Variants in DENND4C observed in about 807,000 individuals in gnomAD.
The protein encoded by DENND4C is DENN domain-containing protein 4C.
A neutral mutation model predicts 203.0 loss-of-function variants in DENND4C; 108 were observed. The observed-to-expected ratio is 0.53, with a 90% confidence interval of 0.46 to 0.62. The LOEUF is 0.62. DENND4C is among the 20% of genes least tolerant of loss of function. DENND4C has a pLI of 0.00. For missense variants in DENND4C, 2,481 were observed against 2,301.2 expected (o/e 1.08, Z -1.60); for synonymous variants, 871 against 792.4 (o/e 1.10, Z -1.67).
At position 19,358,264 on chromosome 9, in the gene DENND4C, A is replaced by G. The variant is rs1825800741; in HGVS notation, c.5160+104A>G. The G allele has an allele frequency of 1.1e-5, 10 of 934,804 alleles. No homozygotes were observed. Among genetic ancestry groups the G allele is most frequent in the Non-Finnish European group, 1.5e-5 (10 of 666,870 alleles). 57.9% of individuals were successfully genotyped at this position (934,804 alleles called of 1,614,324 possible). A position where few individuals can be genotyped will look rare whatever the true frequency, so the allele number is the denominator to read the frequency against. On this transcript the variant is annotated intron_variant, in intron 28 of 32. Transcript: ENST00000434457. The surrounding 1 kb of genome is among the most constrained non-coding windows in gnomAD (Gnocchi z 4.8). ...GTGGACTTATTTTAATTACATGAAA[A>G]GTGATAGAGTTTTTCCATAAACAAA...
chr9:19,279,599 C>T (rs34003073), intron 2 of DENND4C, among the ~76,000 whole-genome samples: 4,197 of 152,048 alleles, frequency 0.028, 186 homozygotes, highest in African/African-American at 0.093. Context: ...ATCACTTGAA[C>T]CCAGGAGGTG....
At position 19,235,609 on chromosome 9, in the gene DENND4C, C is replaced by CTTTTTTT. The variant is rs58031665; in HGVS notation, c.-18+4789_-18+4795dup. Among the ~76,000 whole-genome samples, 17 of 118,946 alleles carry CTTTTTTT rather than the reference C, an allele frequency of 1.4e-4. 1 individual carries two copies. Among genetic ancestry groups the CTTTTTTT allele is most frequent in the Non-Finnish European group, 1.5e-4 (9 of 59,154 alleles). The allele number at this position is 118,946 out of a possible 152,430, so 78.0% of individuals were successfully genotyped here. ...ATCTGTTGGTTTACAGAAGAGTCATCTTTTTTTTTTTTTTTTTTTGAGACG... is the reference window on the plus strand; with the variant it reads ...ATCTGTTGGTTTACAGAAGAGTCATCTTTTTTTTTTTTTTTTTTTTTTTTTTGAGACG... On this transcript the variant is annotated intron_variant, in intron 1 of 32. Coordinates refer to ENST00000434457, the MANE Select transcript of DENND4C (RefSeq NM_001330640.2).
chr9:19,333,522 C>T (rs1229958510), intron 17 of DENND4C, among the ~76,000 whole-genome samples: 1 of 152,084 alleles, frequency 6.6e-6, no homozygotes, highest in Non-Finnish European at 1.5e-5. Flanking sequence ...CAAAAATGTT[C>T]CCGGAGAGCG....
intron 12 of DENND4C, among the ~76,000 whole-genome samples, chr9:19,320,115 A>T (rs1369232821): frequency 6.6e-6 from 1 of 152,216 alleles, no homozygotes; most frequent in Non-Finnish European, 1.5e-5. Flanking sequence ...ATAAAAAAGT[A>T]AAAAATAGGG....
chr9:19,262,769 A>G (rs144483848), intron 1 of DENND4C, among the ~76,000 whole-genome samples: 15 of 151,788 alleles, frequency 9.9e-5, no homozygotes, highest in African/African-American at 3.4e-4. Flanking sequence ...GGGTTTCACC[A>G]TGTTGGCCAG....
At chr9:19,319,423 T>C (rs1183589226) in intron 12 of DENND4C, among the ~76,000 whole-genome samples, 4 of 144,962 alleles carry the variant, frequency 2.8e-5, no homozygotes, top group Non-Finnish European at 6.0e-5. Context: ...TATATATACA[T>C]ATATATATAC....
intron 1 of DENND4C, among the ~76,000 whole-genome samples, chr9:19,271,705 A>G (rs1474183173): frequency 6.6e-6 from 1 of 151,990 alleles, no homozygotes; most frequent in African/African-American, 2.4e-5. Context: ...CGTCTCTACT[A>G]AAAATACAAA....
chr9:19,294,588 T>C (rs1837039225), intron 5 of DENND4C, among the ~76,000 whole-genome samples: 3 of 152,194 alleles, frequency 2.0e-5, no homozygotes. Context: ...TGTACGCCAA[T>C]GTTTGTAGCA....
intron 28 of DENND4C, among the ~76,000 whole-genome samples, chr9:19,359,568 CT>C (rs1361493202): frequency 6.6e-6 from 1 of 151,678 alleles, no homozygotes; most frequent in African/African-American, 2.4e-5. Context: ...ATGTTATATA[CT>C]TTCTTACCCA....
intron 10 of DENND4C, among the ~76,000 whole-genome samples, chr9:19,315,908 G>A (rs1841761735): frequency 6.6e-6 from 1 of 152,140 alleles, no homozygotes; most frequent in East Asian, 1.9e-4. Flanking sequence ...GTTTCACCAT[G>A]TTGGCCAGGC....
chr9:19,346,239 C>G lies in DENND4C; in HGVS notation c.3470C>G (p.Pro1157Arg), dbSNP rs763943195. 1 of 1,614,052 alleles carries G rather than the reference C, an allele frequency of 6.2e-7. No individual in the cohort carries two copies. The highest frequency in any genetic ancestry group is 8.5e-7 in the Non-Finnish European group (1 of 1,179,950). The change falls in exon 23 of 33, where the codon CCT (proline) becomes CGT (arginine). Residue 1157 changes from proline to arginine, a missense_variant. Around this residue, in one of 3 missense-constraint regions of DENND4C, gnomAD observed 2,289 missense variants for 2,113.3 expected, o/e 1.08. Transcript: ENST00000434457. ...HSFENVSCHLPDSRTCMSEST... is the reference protein window; with the variant it reads ...HSFENVSCHLRDSRTCMSEST... ...TTTGAGAATGTTAGCTGTCACCTAC[C>G]TGATAGTAGGACTTGTATGTCTGAA...
intron 1 of DENND4C, among the ~76,000 whole-genome samples, chr9:19,232,357 T>A (rs1820798062): frequency 6.6e-6 from 1 of 152,178 alleles, no homozygotes; most frequent in African/African-American, 2.4e-5. Flanking sequence ...CAAAATAGTT[T>A]ATTGAGATTA....
chr9:19,344,129 T>C (rs753448152), intron 22 of DENND4C, among the ~76,000 whole-genome samples: 1 of 152,180 alleles, frequency 6.6e-6, no homozygotes, highest in Non-Finnish European at 1.5e-5. Flanking sequence ...AATCTTGAAG[T>C]TTAAAAGAAA....
At chr9:19,248,874 T>C (rs1467239625) in intron 1 of DENND4C, among the ~76,000 whole-genome samples, 2 of 151,676 alleles carry the variant, frequency 1.3e-5, no homozygotes, top group Non-Finnish European at 2.9e-5. Context: ...CTCAGCTCAC[T>C]GCAGCCTCCG....
Position 19,288,802 on chromosome 9 carries a change from A to T in DENND4C, c.628+137A>T, listed in dbSNP as rs1368375522. The T allele has an allele frequency of 1.8e-5, 8 of 435,556 alleles. No individual in the cohort carries two copies. In the East Asian group the frequency reaches 2.9e-4, roughly 16 times the overall value. 27.0% of individuals were successfully genotyped at this position (435,556 alleles called of 1,614,324 possible). On this transcript the variant is annotated intron_variant, in intron 4 of 32. Transcript: ENST00000434457. ...TCATAAAATTATCTATAATTTTAGC[A>T]TATAAAGATATGTGTTTTCTTAAAT...
At chr9:19,342,556 T>C (rs1821895675) in intron 21 of DENND4C, 77 bp from the exon 22 acceptor site, 10 of 1,402,368 alleles carry the variant, frequency 7.1e-6, no homozygotes, top group Non-Finnish European at 9.5e-6. Flanking sequence ...ATACATACAA[T>C]ATCTAAAAGT....
chr9:19,288,331 G>C (rs1835627350), intron 3 of DENND4C, among the ~76,000 whole-genome samples: 1 of 152,190 alleles, frequency 6.6e-6, no homozygotes, highest in Non-Finnish European at 1.5e-5. Flanking sequence ...CTTACAAGAA[G>C]GGGCAATCTC....
intron 23 of DENND4C, among the ~76,000 whole-genome samples, chr9:19,348,222 CAGAG>C (rs1823331266): frequency 6.6e-6 from 1 of 152,126 alleles, no homozygotes; most frequent in African/African-American, 2.4e-5. Context: ...ATTTGAAACT[CAGAG>C]AGGCTAATTA....
rs77562818 is a variant in DENND4C at position 19,312,553 on chromosome 9, G to C, written c.1488-3864G>C. Among the ~76,000 whole-genome samples, 6 of 152,324 alleles carry C rather than the reference G, an allele frequency of 3.9e-5. No homozygotes were observed. In the East Asian group the frequency reaches 1.2e-3, roughly 29 times the overall value. ...ATTAAAATATGCACAAGAAACTAGT[G>C]ATTATGTATTATGGGGGTGAGGGAG... On this transcript the variant is annotated intron_variant, in intron 10 of 32. Coordinates refer to ENST00000434457, the MANE Select transcript of DENND4C (RefSeq NM_001330640.2).
Sources: allele counts gnomAD v4.1 joint callset (sites outside exome capture counted in the v4.1 genomes callset), GRCh38; gene constraint gnomAD v4.1.1; regional missense constraint gnomAD v4.1.1; non-coding constraint Gnocchi (gnomAD v3.1); transcripts MANE v1.5; gene names NCBI Gene and HGNC (gene_info 2026-07-23, HGNC 2026-07-21).